The following KLF12 variants were observed in gnomAD, a reference collection of about 807,000 sequenced individuals.
KLF12 encodes the protein KLF transcription factor 12.
Under a neutral mutation model 37.8 loss-of-function variants are expected in KLF12, and 9 were observed. The observed-to-expected ratio is 0.24, with a 90% CI of 0.14 to 0.42. The LOEUF is 0.42. Ranked by LOEUF, KLF12 falls within the 10% of genes least tolerant of loss-of-function variation. The pLI, the probability that KLF12 is intolerant of heterozygous loss-of-function variation, is 1.00. For synonymous variants in KLF12, 208 were observed against 202.1 expected (o/e 1.03, Z -0.25); for missense variants, 411 against 516.0 (o/e 0.80, Z 1.97).
chr13:74,089,226 C>A (rs1207258018), intron 1 of KLF12, among the ~76,000 whole-genome samples: 1 of 151,992 alleles, frequency 6.6e-6, no homozygotes, highest in African/African-American at 2.4e-5. Flanking sequence ...CCACCCGCCC[C>A]CTACAAAAAA....
Position 73,691,145 on chromosome 13 carries a change from G to C in KLF12, c.*4345C>G, listed in dbSNP as rs1176918653. The C allele has an allele frequency of 6.6e-6, 1 of 152,604 alleles. No homozygotes were observed. Among genetic ancestry groups the C allele is most frequent in the Non-Finnish European group, 1.5e-5 (1 of 68,028 alleles). 9.5% of individuals were successfully genotyped at this position (152,604 alleles called of 1,614,324 possible). On this transcript the variant is annotated 3_prime_UTR_variant, in exon 8 of 8. Transcript: ENST00000377669. The stretch of plus-strand genomic sequence containing the variant: ...CAAATTCTTTTTAAAAAAGTTCTTT[G>C]CTGATATTTGTTAGCCCACTGGCTG...
intron 1 of KLF12, among the ~76,000 whole-genome samples, chr13:74,081,806 A>G (rs2138760990): frequency 6.6e-6 from 1 of 152,316 alleles, no homozygotes; most frequent in Middle Eastern, 3.4e-3. Context: ...ATGTCAGAAA[A>G]TAAGTCACCT....
chr13:74,044,629 G>A (rs906760607), intron 1 of KLF12, among the ~76,000 whole-genome samples: 12 of 152,032 alleles, frequency 7.9e-5, no homozygotes, highest in Admixed American at 3.9e-4. Flanking sequence ...GGTGAATCAC[G>A]AGGTCAGGAG....
At chr13:74,202,891 T>C in the KLF12 span, among the ~76,000 whole-genome samples, 2 of 152,030 alleles carry the variant, frequency 1.3e-5, no homozygotes, top group South Asian at 4.1e-4. Context: ...AGGAGCACGG[T>C]AGGAAAGGCT....
intron 5 of KLF12, among the ~76,000 whole-genome samples, chr13:73,769,954 A>G (rs2138109553): frequency 6.6e-6 from 1 of 152,216 alleles, no homozygotes; most frequent in East Asian, 1.9e-4. Context: ...ATTATAAGAA[A>G]TTATTATGTA....
chr13:74,281,368 G>A, the KLF12 span, among the ~76,000 whole-genome samples: 5 of 152,158 alleles, frequency 3.3e-5, no homozygotes, highest in Admixed American at 1.3e-4. Context: ...ACCTTGAGGA[G>A]ATAAGAATTA....
At chr13:74,257,982 G>C in the KLF12 span, 1 of 152,068 alleles carries the variant, frequency 6.6e-6, no homozygotes, top group Non-Finnish European at 1.5e-5. Context: ...TTACCAGAGG[G>C]TAGGGAACTG....
At chr13:74,199,440 T>G in the KLF12 span, among the ~76,000 whole-genome samples, 98 of 152,296 alleles carry the variant, frequency 6.4e-4, no homozygotes, top group Non-Finnish European at 1.0e-4. Flanking sequence ...AGTGCATGAA[T>G]TATTAGCCCT....
At chr13:73,928,044 G>A (rs1372742208) in intron 3 of KLF12, among the ~76,000 whole-genome samples, 1 of 152,046 alleles carries the variant, frequency 6.6e-6, no homozygotes, top group Non-Finnish European at 1.5e-5. Flanking sequence ...TTTTAGTAGA[G>A]ACGGGGTTCC....
At chr13:74,262,133 G>A in the KLF12 span, among the ~76,000 whole-genome samples, 2 of 152,174 alleles carry the variant, frequency 1.3e-5, no homozygotes. Flanking sequence ...CACAGGTAGA[G>A]TATCATGGCT....
the KLF12 span, among the ~76,000 whole-genome samples, chr13:74,261,717 A>G: frequency 6.6e-6 from 1 of 152,236 alleles, no homozygotes; most frequent in Non-Finnish European, 1.5e-5. Flanking sequence ...GGATACAGAA[A>G]TCTAGGTGTG....
At chr13:73,849,861 T>A (rs1885240792) in intron 3 of KLF12, among the ~76,000 whole-genome samples, 1 of 152,208 alleles carries the variant, frequency 6.6e-6, no homozygotes, top group Non-Finnish European at 1.5e-5. Flanking sequence ...TGACTATAGC[T>A]GAATTTTTGC....
intron 3 of KLF12, among the ~76,000 whole-genome samples, chr13:73,888,123 C>A (rs1316394338): frequency 6.6e-6 from 1 of 152,078 alleles, no homozygotes; most frequent in East Asian, 1.9e-4. Context: ...CCACCTCAGC[C>A]TCCCAAGTAG....
At chr13:74,167,011 A>C in the KLF12 span, among the ~76,000 whole-genome samples, 1 of 152,226 alleles carries the variant, frequency 6.6e-6, no homozygotes. Flanking sequence ...GTAGACAAAC[A>C]AAACCATATT....
the KLF12 span, among the ~76,000 whole-genome samples, chr13:74,288,182 G>A: frequency 6.6e-6 from 1 of 152,190 alleles, no homozygotes; most frequent in Non-Finnish European, 1.5e-5. Flanking sequence ...ATGGATTTGA[G>A]AGTTACCGCA....
At chr13:74,233,662 G>A in the KLF12 span, among the ~76,000 whole-genome samples, 1 of 152,124 alleles carries the variant, frequency 6.6e-6, no homozygotes, top group East Asian at 1.9e-4. Flanking sequence ...ACAGATGAAT[G>A]AAATAATTTT....
intron 1 of KLF12, among the ~76,000 whole-genome samples, chr13:74,016,344 C>G (rs1375462157): frequency 6.6e-6 from 1 of 151,976 alleles, no homozygotes; most frequent in Non-Finnish European, 1.5e-5. Flanking sequence ...TACGGAGTAT[C>G]TGGAATTCCA....
intron 1 of KLF12, among the ~76,000 whole-genome samples, chr13:74,102,485 G>T (rs1338556900): frequency 6.6e-6 from 1 of 151,804 alleles, no homozygotes; most frequent in Non-Finnish European, 1.5e-5. Flanking sequence ...ATCACCTGAG[G>T]GTAGGAGTTT....
At chr13:73,868,854 C>T (rs1405614394) in intron 3 of KLF12, among the ~76,000 whole-genome samples, 2 of 152,048 alleles carry the variant, frequency 1.3e-5, no homozygotes, top group Non-Finnish European at 2.9e-5. Context: ...AAAGAAGAAA[C>T]ACATAGTGAA....
Sources: allele counts gnomAD v4.1 joint callset (sites outside exome capture counted in the v4.1 genomes callset), GRCh38; gene constraint gnomAD v4.1.1; transcripts MANE v1.5; gene names NCBI Gene and HGNC (gene_info 2026-07-23, HGNC 2026-07-21).